The following BORCS5 variants were observed in gnomAD, a reference collection of about 807,000 sequenced individuals.
The protein encoded by BORCS5 is BLOC-1-related complex subunit 5.
Under a neutral mutation model 22.1 loss-of-function variants are expected in BORCS5, and 17 were observed. The observed-to-expected ratio is 0.77, with a 90% CI of 0.53 to 1.15. The LOEUF is 1.15. Ranked by LOEUF, BORCS5 falls within the 50% of genes most tolerant of loss-of-function variation. The pLI, the probability that BORCS5 is intolerant of heterozygous loss-of-function variation, is 0.00. For synonymous variants in BORCS5, 117 were observed against 99.8 expected, an observed-to-expected ratio of 1.17 and a Z score of -1.03; for missense variants, 247 against 253.2, an observed-to-expected ratio of 0.98 and a Z score of 0.17.
chr12:12,425,980 A>C (rs1942277477), intron 2 of BORCS5, among the ~76,000 whole-genome samples: 1 of 152,250 alleles, frequency 6.6e-6, no homozygotes, highest in African/African-American at 2.4e-5. Context: ...TGTGGTAGGC[A>C]TAACTTTATA....
chr12:12,461,241 TC>T (rs1232849355), intron 3 of BORCS5, among the ~76,000 whole-genome samples: 1 of 150,482 alleles, frequency 6.6e-6, no homozygotes, highest in East Asian at 1.9e-4. Flanking sequence ...TGATCACAGC[TC>T]ACTGCAGCCT....
At chr12:12,431,330 AGTTGAG>A (rs1942419540) in intron 2 of BORCS5, among the ~76,000 whole-genome samples, 1 of 151,368 alleles carries the variant, frequency 6.6e-6, no homozygotes, top group African/African-American at 2.4e-5. Context: ...CTTTTCTTAT[AGTTGAG>A]GTATTGGTAT....
At chr12:12,452,336 T>C (rs1942926242) in intron 3 of BORCS5, 1 of 702,186 alleles carries the variant, frequency 1.4e-6, no homozygotes, top group Non-Finnish European at 2.5e-6. Context: ...TGCAAGAATA[T>C]TGTGAACCGT....
chr12:12,374,576 C>T (rs571699768), intron 2 of BORCS5, among the ~76,000 whole-genome samples: 74 of 151,832 alleles, frequency 4.9e-4, no homozygotes, highest in Non-Finnish European at 8.1e-4. Context: ...GGAGGTCGAG[C>T]GGTGTTCATA....
chr12:12,371,977 ATC>A (rs774252538), intron 2 of BORCS5, among the ~76,000 whole-genome samples: 3 of 152,010 alleles, frequency 2.0e-5, no homozygotes, highest in East Asian at 1.9e-4. Flanking sequence ...AATGTCTTTG[ATC>A]TCTCTGCTTA....
intron 2 of BORCS5, among the ~76,000 whole-genome samples, chr12:12,390,363 A>T (rs972213225): frequency 2.6e-5 from 4 of 152,100 alleles, no homozygotes; most frequent in African/African-American, 9.7e-5. Context: ...CTTTACATAG[A>T]TCATGATGAG....
intron 2 of BORCS5, among the ~76,000 whole-genome samples, chr12:12,400,604 A>AT (rs1941447778): frequency 1.3e-5 from 2 of 151,524 alleles, no homozygotes; most frequent in African/African-American, 2.4e-5. Context: ...AAAAAAAAAA[A>AT]TAGCAAACAC....
In BORCS5 at chr12:12,465,761, C is replaced by A; in HGVS notation, c.576C>A (p.Arg192=). 1 of 1,612,670 alleles carries A rather than the reference C, an allele frequency of 6.2e-7. No homozygotes were observed. The highest frequency in any genetic ancestry group is 8.5e-7 in the Non-Finnish European group (1 of 1,179,652). The change falls in exon 4 of 4, where the codon CGC becomes CGA. Residue 192 remains arginine, a synonymous_variant. Transcript: ENST00000314565. ...AGCCCTTCAGCATGAAGCCCGACCGCGAGCTCAGGCTGTAGCTGCTGCCCG... is the reference window on the plus strand; with the variant it reads ...AGCCCTTCAGCATGAAGCCCGACCGAGAGCTCAGGCTGTAGCTGCTGCCCG... ...RLEPFSMKPD[R]ELRL
At chr12:12,390,628 T>A (rs1315253182) in intron 2 of BORCS5, among the ~76,000 whole-genome samples, 1 of 151,192 alleles carries the variant, frequency 6.6e-6, no homozygotes. Flanking sequence ...CTCCTTTTTT[T>A]TTTTTGACCT....
At chr12:12,373,336 A>G (rs1347617079) in intron 2 of BORCS5, among the ~76,000 whole-genome samples, 5 of 152,216 alleles carry the variant, frequency 3.3e-5, no homozygotes, top group Non-Finnish European at 7.3e-5. Context: ...TTCTTGTTGT[A>G]GCAGCCTGTA....
At chr12:12,438,360 C>CAAAAAAAAAAAAAA (rs57737663) in intron 3 of BORCS5, among the ~76,000 whole-genome samples, 49 of 23,758 alleles carry the variant, frequency 2.1e-3, no homozygotes, top group East Asian at 5.9e-3. Context: ...GATTTCATCT[C>CAAAAAAAAAAAAAA]AAAAAAAAAA....
At chr12:12,432,732 A>ACATC (rs1332941238) in intron 2 of BORCS5, among the ~76,000 whole-genome samples, 1 of 152,236 alleles carries the variant, frequency 6.6e-6, no homozygotes, top group African/African-American at 2.4e-5. Flanking sequence ...CAACATAGAC[A>ACATC]CATCTCTAAA....
At chr12:12,385,858 T>C (rs1202946974) in intron 2 of BORCS5, among the ~76,000 whole-genome samples, 2 of 151,450 alleles carry the variant, frequency 1.3e-5, no homozygotes, top group Non-Finnish European at 3.0e-5. Flanking sequence ...TTATATGCCA[T>C]TGGTTGATTT....
chr12:12,467,481 C>T lies in BORCS5; in HGVS notation c.*1705C>T, dbSNP rs1943222113. ...ACAAACAAACCACGCAGTCAGCCAGCTCTCCAGCCAACTGTGTCTACTTCT... is the reference window on the plus strand; with the variant it reads ...ACAAACAAACCACGCAGTCAGCCAGTTCTCCAGCCAACTGTGTCTACTTCT... On this transcript the variant is annotated 3_prime_UTR_variant, in exon 4 of 4. Transcript: ENST00000314565. 1 of 152,258 alleles carries T rather than the reference C, an allele frequency of 6.6e-6. No homozygotes were observed. Among genetic ancestry groups the T allele is most frequent in the Non-Finnish European group, 1.5e-5 (1 of 68,074 alleles). The allele number at this position is 152,258 out of a possible 1,614,324, so 9.4% of individuals were successfully genotyped here.
At chr12:12,462,921 T>C (rs1943137197) in intron 3 of BORCS5, among the ~76,000 whole-genome samples, 1 of 102,704 alleles carries the variant, frequency 9.7e-6, no homozygotes, top group East Asian at 2.1e-4. Context: ...CCTCCCAAAG[T>C]TCTGGTATGA....
In BORCS5 at chr12:12,357,289, C is replaced by G. The variant is rs530933282; in HGVS notation, c.-163C>G. The G allele has an allele frequency of 9.6e-6, 14 of 1,456,086 alleles. No homozygotes were observed. The highest frequency in any genetic ancestry group is 1.3e-5 in the Non-Finnish European group (14 of 1,104,360). The allele number at this position is 1,456,086 out of a possible 1,614,324, so 90.2% of individuals were successfully genotyped here. ...CCTCTCCTTCTCCCGCCGCCCAGGC[C>G]CCTGCGTGGGCTGGACGCGTCAGCC... On this transcript the variant is annotated 5_prime_UTR_variant, in exon 1 of 4. Coordinates refer to ENST00000314565, the MANE Select transcript of BORCS5 (RefSeq NM_058169.6).
intron 2 of BORCS5, among the ~76,000 whole-genome samples, chr12:12,368,606 ATT>A (rs563081728): frequency 7.8e-5 from 11 of 140,536 alleles, no homozygotes; most frequent in Non-Finnish European, 1.1e-4. Context: ...CACCTGGCTA[ATT>A]TTTTTTTTTT....
In BORCS5 at chr12:12,415,488, G is replaced by A. The variant is rs1397042682; in HGVS notation, c.203-20140G>A. ...TCAGGCAGGGAGGTTGCAGTGAGCCGAGATGGCAGCAGTACTGTCCAGCTT... is the reference window on the plus strand; with the variant it reads ...TCAGGCAGGGAGGTTGCAGTGAGCCAAGATGGCAGCAGTACTGTCCAGCTT... On this transcript the variant is annotated intron_variant, in intron 2 of 3. Coordinates refer to ENST00000314565, the MANE Select transcript of BORCS5 (RefSeq NM_058169.6). Among the ~76,000 whole-genome samples, 40 of 144,748 alleles carry A rather than the reference G, an allele frequency of 2.8e-4. No individual in the cohort carries two copies. In the Middle Eastern group the frequency reaches 0.011, roughly 39 times the overall value. The allele number at this position is 144,748 out of a possible 152,430, so 95.0% of individuals were successfully genotyped here.
At chr12:12,388,147 T>A (rs142733273) in intron 2 of BORCS5, among the ~76,000 whole-genome samples, 15 of 151,586 alleles carry the variant, frequency 9.9e-5, no homozygotes, top group African/African-American at 3.6e-4. Flanking sequence ...GTACCATGCT[T>A]ATTATGTATA....
Sources: gnomAD v4.1 joint callset for allele counts (sites outside exome capture counted in the v4.1 genomes callset) on GRCh38, gnomAD v4.1.1 for gene constraint, MANE v1.5 for transcripts, NCBI Gene and HGNC (gene_info 2026-07-23, HGNC 2026-07-21) for gene names.